PXK: variants seen among roughly 807,000 people sequenced by gnomAD.
PXK encodes the protein PX domain-containing protein kinase-like protein.
PXK carries 35 observed loss-of-function variants against 84.7 expected under a neutral mutation model. The ratio of observed to expected loss-of-function variants is 0.41; its 90% CI spans 0.32 to 0.55. The LOEUF is 0.55. Ranked by LOEUF, PXK falls within the 20% of genes least tolerant of loss-of-function variation. The pLI is 0.21. For synonymous variants in PXK, 253 were observed against 260.8 expected, an observed-to-expected ratio of 0.97 and a Z score of 0.29; for missense variants, 634 against 699.7, an observed-to-expected ratio of 0.91 and a Z score of 1.06.
Position 58,333,436 on chromosome 3 carries a change from C to A in PXK, c.102+346C>A. ...TTGGACTAGGGGAGCAGGAACGAGA[C>A]CGCTCAGGACCATCCACTTCTGCCC... On this transcript the variant is annotated intron_variant, in intron 1 of 17. Transcript: ENST00000356151. The surrounding 1 kb of genome is among the most constrained non-coding windows in gnomAD (Gnocchi z 5.4). The A allele has an allele frequency of 2.8e-6, 1 of 362,528 alleles. No homozygotes were observed. Among genetic ancestry groups the A allele is most frequent in the Non-Finnish European group, 5.8e-6 (1 of 171,876 alleles). The allele number at this position is 362,528 out of a possible 1,614,324, so 22.5% of individuals were successfully genotyped here. A position where few individuals can be genotyped will look rare whatever the true frequency, so the allele number is the denominator to read the frequency against.
chr3:58,367,669 CAA>C (rs2098295463), intron 2 of PXK, among the ~76,000 whole-genome samples: 1 of 152,064 alleles, frequency 6.6e-6, no homozygotes, highest in Non-Finnish European at 1.5e-5. Context: ...ATTGAACAAA[CAA>C]TTTCTTTATG....
At chr3:58,422,204 G>C in intron 17 of PXK, 1 of 985,426 alleles carries the variant, frequency 1.0e-6, no homozygotes, top group Middle Eastern at 5.2e-4. Context: ...GGCAGACTGA[G>C]TGAGACCGAG....
chr3:58,415,501 CCTT>C (rs1415480687), intron 17 of PXK, among the ~76,000 whole-genome samples: 2 of 152,258 alleles, frequency 1.3e-5, no homozygotes, highest in African/African-American at 4.8e-5. Context: ...AGCTTCCATG[CCTT>C]CCCTGGGCAC....
rs2060299476 is a variant in PXK at position 58,412,167 on chromosome 3, A to G, written c.1466-734A>G. Among the ~76,000 whole-genome samples the G allele has an allele frequency of 6.6e-6, 1 of 152,152 alleles. No individual in the cohort carries two copies. Among genetic ancestry groups the G allele is most frequent in the African/African-American group, 2.4e-5 (1 of 41,436 alleles). ...GTGGGAGGGGGGTTTCTGTGTCCAC[A>G]GAAAGGCTTACGTAGGAACCTCTGC... is the stretch of plus-strand genomic sequence containing the variant. On this transcript the variant is annotated intron_variant, in intron 16 of 17. Transcript: ENST00000356151. The surrounding 1 kb of genome is among the most constrained non-coding windows in gnomAD (Gnocchi z 6.2).
intron 1 of PXK, among the ~76,000 whole-genome samples, chr3:58,334,745 C>T (rs538523669): frequency 6.6e-6 from 1 of 152,244 alleles, no homozygotes; most frequent in South Asian, 2.1e-4. Context: ...GAGTCTCATT[C>T]CCTGGTTTTT....
At chr3:58,367,775 T>G (rs2098296897) in intron 2 of PXK, among the ~76,000 whole-genome samples, 1 of 152,152 alleles carries the variant, frequency 6.6e-6, no homozygotes, top group Non-Finnish European at 1.5e-5. Context: ...CTCGACCTCC[T>G]GGGCTCAAGT....
At chr3:58,353,955 GGT>G (rs2098004184) in intron 1 of PXK, among the ~76,000 whole-genome samples, 1 of 152,160 alleles carries the variant, frequency 6.6e-6, no homozygotes, top group Non-Finnish European at 1.5e-5. Flanking sequence ...GAAGTAGCGT[GGT>G]GGTAGATTCC....
chr3:58,336,761 A>ATT (rs1164896840), intron 1 of PXK, among the ~76,000 whole-genome samples: 1 of 151,950 alleles, frequency 6.6e-6, no homozygotes, highest in Admixed American at 6.6e-5. Context: ...TGCACATCCA[A>ATT]TTTTTGCTGG....
intron 1 of PXK, among the ~76,000 whole-genome samples, chr3:58,358,323 C>A (rs2098125581): frequency 6.6e-6 from 1 of 152,206 alleles, no homozygotes; most frequent in Non-Finnish European, 1.5e-5. Flanking sequence ...CTGTGGTAAC[C>A]ACCATCCTAC....
In PXK at chr3:58,378,416, G is replaced by C. The variant is rs1417059763; in HGVS notation, c.202-4098G>C. The stretch of plus-strand genomic sequence containing the variant: ...CTTGAATATGGGCTGATAACCAAAG[G>C]GTCACCAGACTCCTACAGGACTCAT... On this transcript the variant is annotated intron_variant, in intron 3 of 17. Coordinates refer to ENST00000356151, the MANE Select transcript of PXK (RefSeq NM_017771.5). 4.0e-5 allele frequency among the ~76,000 whole-genome samples: 6 copies of C among 151,418 alleles called. No homozygotes were observed. In the South Asian group the frequency reaches 6.3e-4, roughly 16 times the overall value.
chr3:58,342,634 C>CAAAAAAA (rs71091369), intron 1 of PXK, among the ~76,000 whole-genome samples: 41 of 113,388 alleles, frequency 3.6e-4, no homozygotes, highest in South Asian at 8.9e-4. Context: ...GACTCTGTCT[C>CAAAAAAA]AAAAAAAAAA....
chr3:58,410,790 C>T (rs940148214), intron 16 of PXK, among the ~76,000 whole-genome samples: 1 of 152,120 alleles, frequency 6.6e-6, no homozygotes, highest in African/African-American at 2.4e-5. Context: ...GAAGTAGAGC[C>T]CACATAGAGA....
At chr3:58,403,351 T>C (rs1476526466) in intron 12 of PXK, among the ~76,000 whole-genome samples, 1 of 152,180 alleles carries the variant, frequency 6.6e-6, no homozygotes, top group Non-Finnish European at 1.5e-5. Flanking sequence ...CAAAAGCTAC[T>C]ACTTTTAAAA....
chr3:58,362,643 C>A (rs931943379), intron 1 of PXK, among the ~76,000 whole-genome samples: 7 of 152,222 alleles, frequency 4.6e-5, no homozygotes, highest in African/African-American at 1.7e-4. Flanking sequence ...TATGTTTATG[C>A]CTCCACCAAC....
intron 13 of PXK, 128 bp downstream of exon 13, chr3:58,404,038 A>G (rs1378752606): frequency 2.1e-6 from 1 of 485,396 alleles, no homozygotes; most frequent in Non-Finnish European, 3.5e-6. Context: ...TAAATGTCCT[A>G]CAATTAGGGG....
At chr3:58,384,681 G>C (rs1185078320) in intron 4 of PXK, among the ~76,000 whole-genome samples, 1 of 152,138 alleles carries the variant, frequency 6.6e-6, no homozygotes, top group Non-Finnish European at 1.5e-5. Flanking sequence ...CCCACTCAGT[G>C]GTTTATCTCC....
chr3:58,335,183 C>A (rs1559824835), intron 1 of PXK, among the ~76,000 whole-genome samples: 3 of 152,014 alleles, frequency 2.0e-5, no homozygotes, highest in African/African-American at 7.2e-5. Flanking sequence ...CCCTGCAGAT[C>A]TTTTCTTTAA....
At chr3:58,405,694 G>T (rs893887580) in intron 13 of PXK, among the ~76,000 whole-genome samples, 2 of 149,428 alleles carry the variant, frequency 1.3e-5, no homozygotes. Flanking sequence ...AAAAAAAAAG[G>T]AGAAATGATG....
intron 13 of PXK, among the ~76,000 whole-genome samples, chr3:58,405,692 A>T (rs1394652164): frequency 1.3e-5 from 2 of 150,850 alleles, no homozygotes; most frequent in Non-Finnish European, 3.0e-5. Context: ...AAAAAAAAAA[A>T]GGAGAAATGA....
Sources: allele counts gnomAD v4.1 joint callset (sites outside exome capture counted in the v4.1 genomes callset), GRCh38; gene constraint gnomAD v4.1.1; non-coding constraint Gnocchi (gnomAD v3.1); transcripts MANE v1.5; gene names NCBI Gene and HGNC (gene_info 2026-07-23, HGNC 2026-07-21).